The following NUDCD2 variants were observed in gnomAD, a reference collection of about 807,000 sequenced individuals.
The protein encoded by NUDCD2 is nudC domain-containing protein 2.
Under a neutral mutation model 20.8 loss-of-function variants are expected in NUDCD2, and 16 were observed. The ratio of observed to expected loss-of-function variants is 0.77; its 90% CI spans 0.52 to 1.17. NUDCD2 has a LOEUF of 1.17. NUDCD2 is among the 50% of genes most tolerant of loss of function. NUDCD2 has a pLI of 0.00. For synonymous variants in NUDCD2, 87 were observed against 72.8 expected (o/e 1.20, Z -1.00); for missense variants, 199 against 193.9 (o/e 1.03, Z -0.16).
In NUDCD2 at chr5:163,453,538, T is replaced by C. The variant is rs577943140; in HGVS notation, c.*429A>G. 1 of 152,916 alleles carries C rather than the reference T, an allele frequency of 6.5e-6. No individual in the cohort carries two copies. Among genetic ancestry groups the C allele is most frequent in the South Asian group, 2.1e-4 (1 of 4,834 alleles). 9.5% of individuals were successfully genotyped at this position (152,916 alleles called of 1,614,324 possible). A position where few individuals can be genotyped will look rare whatever the true frequency, so the allele number is the denominator to read the frequency against. ...TAAAATTGTTTTCAGCACTATAATT[T>C]TGTGTGAATTGTTATACTTAGACAA... On this transcript the variant is annotated 3_prime_UTR_variant, in exon 4 of 4. Coordinates refer to ENST00000302764, the MANE Select transcript of NUDCD2 (RefSeq NM_145266.6).
Position 163,456,922 on chromosome 5 carries a change from GACTT to G in NUDCD2, c.390+3_390+6del, listed in dbSNP as rs1345357859. 1 of 1,593,744 alleles carries G rather than the reference GACTT, an allele frequency of 6.3e-7. No individual in the cohort carries two copies. Among genetic ancestry groups the G allele is most frequent in the Non-Finnish European group, 8.6e-7 (1 of 1,169,556 alleles). ...TTACACATACTCATACACTTCATCT[GACTT>G]ACTTCTTTTTGGAATCTCTCTAATG... On this transcript the variant is annotated splice_donor_5th_base_variant and intron_variant, in intron 3 of 3. Coordinates refer to ENST00000302764, the MANE Select transcript of NUDCD2 (RefSeq NM_145266.6).
At position 163,459,978 on chromosome 5, in the gene NUDCD2, A is replaced by G. The variant is rs2113438671; in HGVS notation, c.73T>C (p.Leu25=). ...TGAACTTCAATGAACACCTCCTCCA[A>G]GGTCTGGTACCACTGGCCCCACGGG... ...GTPWGQWYQT[L]EEVFIEVQVP... The change falls in exon 1 of 4, where the codon TTG becomes CTG. Residue 25 remains leucine (L), a synonymous_variant. Transcript: ENST00000302764. The G allele has an allele frequency of 6.2e-7, 1 of 1,613,538 alleles. No individual in the cohort carries two copies. Among genetic ancestry groups the G allele is most frequent in the Non-Finnish European group, 8.5e-7 (1 of 1,179,818 alleles).
rs531678833 is a variant in NUDCD2 at position 163,460,076 on chromosome 5, G to C, written c.-26C>G. On this transcript the variant is annotated 5_prime_UTR_variant, in exon 1 of 4. Transcript: ENST00000302764. ...AATCCAGTCCCTCCCGGCCGCGGCCGCACCAGGCGGAGCCGAGCGCACGCG... is the reference window on the plus strand; with the variant it reads ...AATCCAGTCCCTCCCGGCCGCGGCCCCACCAGGCGGAGCCGAGCGCACGCG... 1.3e-6 allele frequency: 2 copies of C among 1,520,058 alleles called. No homozygotes were observed. Among genetic ancestry groups the C allele is most frequent in the South Asian group, 2.5e-5 (2 of 78,548 alleles). 94.2% of individuals were successfully genotyped at this position (1,520,058 alleles called of 1,614,324 possible). A position where few individuals can be genotyped will look rare whatever the true frequency, so the allele number is the denominator to read the frequency against.
intron 1 of NUDCD2, chr5:163,459,650 T>G (rs1758423424): frequency 2.4e-6 from 1 of 412,196 alleles, no homozygotes; most frequent in African/African-American, 2.1e-5. Flanking sequence ...GTTTGAAAAC[T>G]AAACACGAAA....
rs1214937951 is a variant in NUDCD2, at chr5:163,448,793, GA to G, written c.*5173del. 2 of 152,158 alleles carry G rather than the reference GA, an allele frequency of 1.3e-5. No homozygotes were observed. Among genetic ancestry groups the G allele is most frequent in the Non-Finnish European group, 2.9e-5 (2 of 68,022 alleles). 9.4% of individuals were successfully genotyped at this position (152,158 alleles called of 1,614,324 possible). A position where few individuals can be genotyped will look rare whatever the true frequency, so the allele number is the denominator to read the frequency against. Reference sequence around the variant, plus strand: ...CCATGACCAAGTTTGGGGTTGGGAGGAAATATAAGCTGTTTCAAAATTCTGG... The same window carrying G: ...CCATGACCAAGTTTGGGGTTGGGAGGAATATAAGCTGTTTCAAAATTCTGG... On this transcript the variant is annotated 3_prime_UTR_variant, in exon 4 of 4. Coordinates refer to ENST00000302764, the MANE Select transcript of NUDCD2 (RefSeq NM_145266.6).
At position 163,452,201 on chromosome 5, in the gene NUDCD2, G is replaced by A. The variant is rs972625326; in HGVS notation, c.*1766C>T. 1 of 152,166 alleles carries A rather than the reference G, an allele frequency of 6.6e-6. No individual in the cohort carries two copies. The highest frequency in any genetic ancestry group is 1.5e-5 in the Non-Finnish European group (1 of 68,038). The allele number at this position is 152,166 out of a possible 1,614,324, so 9.4% of individuals were successfully genotyped here. The stretch of plus-strand genomic sequence containing the variant: ...GAATTCATGGTTTTCAATATACATA[G>A]ATGCAGAAATATAGATGTAAAGACA... On this transcript the variant is annotated 3_prime_UTR_variant, in exon 4 of 4. Transcript: ENST00000302764.
chr5:163,454,633 G>A (rs1372611490), intron 3 of NUDCD2, among the ~76,000 whole-genome samples: 11 of 152,184 alleles, frequency 7.2e-5, no homozygotes, highest in Non-Finnish European at 1.5e-4. Flanking sequence ...GAGCCATGGC[G>A]CCCAGCCTAT....
In NUDCD2 at chr5:163,447,893, C is replaced by T. The variant is rs1453479087; in HGVS notation, c.*6074G>A. 1 of 152,208 alleles carries T rather than the reference C, an allele frequency of 6.6e-6. No homozygotes were observed. Among genetic ancestry groups the T allele is most frequent in the Non-Finnish European group, 1.5e-5 (1 of 68,008 alleles). The allele number at this position is 152,208 out of a possible 1,614,324, so 9.4% of individuals were successfully genotyped here. On this transcript the variant is annotated 3_prime_UTR_variant, in exon 4 of 4. Coordinates refer to ENST00000302764, the MANE Select transcript of NUDCD2 (RefSeq NM_145266.6). ...ATTTTAAAATAAATGAAAATATCAC[C>T]GTGCTTGGAATGCAGCCATGCTGGT...
In NUDCD2 at chr5:163,449,744, C is replaced by G. The variant is rs1444989849; in HGVS notation, c.*4223G>C. 1 of 152,046 alleles carries G rather than the reference C, an allele frequency of 6.6e-6. No individual in the cohort carries two copies. The highest frequency in any genetic ancestry group is 1.5e-5 in the Non-Finnish European group (1 of 68,012). 9.4% of individuals were successfully genotyped at this position (152,046 alleles called of 1,614,324 possible). ...AACACATAGATCGATGGAATAAAGT[C>G]CAAAACCAGACTCACATAAATAGCA... is the stretch of plus-strand genomic sequence containing the variant. On this transcript the variant is annotated 3_prime_UTR_variant, in exon 4 of 4. Coordinates refer to ENST00000302764, the MANE Select transcript of NUDCD2 (RefSeq NM_145266.6).
At chr5:163,455,182 T>C (rs1355731877) in intron 3 of NUDCD2, among the ~76,000 whole-genome samples, 1 of 151,666 alleles carries the variant, frequency 6.6e-6, no homozygotes. Flanking sequence ...AATAAAATTA[T>C]ATTTAAATGG....
chr5:163,457,883 C>T (rs558184249), intron 1 of NUDCD2, among the ~76,000 whole-genome samples: 1 of 151,704 alleles, frequency 6.6e-6, no homozygotes, highest in East Asian at 1.9e-4. Flanking sequence ...ATACTGACCA[C>T]TGGCCAAATG....
chr5:163,460,072 G>A lies in NUDCD2; in HGVS notation c.-22C>T, dbSNP rs1255737942. The A allele has an allele frequency of 1.3e-6, 2 of 1,523,984 alleles. No homozygotes were observed. 94.4% of individuals were successfully genotyped at this position (1,523,984 alleles called of 1,614,324 possible). A position where few individuals can be genotyped will look rare whatever the true frequency, so the allele number is the denominator to read the frequency against. ...ACATAATCCAGTCCCTCCCGGCCGC[G>A]GCCGCACCAGGCGGAGCCGAGCGCA... On this transcript the variant is annotated 5_prime_UTR_variant, in exon 1 of 4. Coordinates refer to ENST00000302764, the MANE Select transcript of NUDCD2 (RefSeq NM_145266.6).
In NUDCD2 at chr5:163,452,514, C is replaced by T. The variant is rs936805035; in HGVS notation, c.*1453G>A. The T allele has an allele frequency of 6.6e-6, 1 of 151,870 alleles. No individual in the cohort carries two copies. Among genetic ancestry groups the T allele is most frequent in the Non-Finnish European group, 1.5e-5 (1 of 67,952 alleles). 9.4% of individuals were successfully genotyped at this position (151,870 alleles called of 1,614,324 possible). Reference sequence around the variant, plus strand: ...TAATGATAATAGGTTTTTTAACCTGCTGAATAAAATAGAAAATAATGAGTT... The same window carrying T: ...TAATGATAATAGGTTTTTTAACCTGTTGAATAAAATAGAAAATAATGAGTT... On this transcript the variant is annotated 3_prime_UTR_variant, in exon 4 of 4. Transcript: ENST00000302764.
rs993668552 is a variant in NUDCD2, at chr5:163,453,021, A to G, written c.*946T>C. ...TAGAGGGTAGTAATGTGTCAACGTA[A>G]ATTTCCTGATTCTAATGGTTGCATT... On this transcript the variant is annotated 3_prime_UTR_variant, in exon 4 of 4. Coordinates refer to ENST00000302764, the MANE Select transcript of NUDCD2 (RefSeq NM_145266.6). 3 of 152,178 alleles carry G rather than the reference A, an allele frequency of 2.0e-5. No homozygotes were observed. Among genetic ancestry groups the G allele is most frequent in the Non-Finnish European group, 4.4e-5 (3 of 68,034 alleles). The allele number at this position is 152,178 out of a possible 1,614,324, so 9.4% of individuals were successfully genotyped here.
rs1758157690 is a variant in NUDCD2, at chr5:163,450,734, G to A, written c.*3233C>T. 1 of 152,184 alleles carries A rather than the reference G, an allele frequency of 6.6e-6. No homozygotes were observed. Among genetic ancestry groups the A allele is most frequent in the South Asian group, 2.1e-4 (1 of 4,834 alleles). The allele number at this position is 152,184 out of a possible 1,614,324, so 9.4% of individuals were successfully genotyped here. ...GCTGGTGGGAAAGTAAAAAGATGTA[G>A]CTGCTTTGGGAAACAATGACAGCTC... On this transcript the variant is annotated 3_prime_UTR_variant, in exon 4 of 4. Coordinates refer to ENST00000302764, the MANE Select transcript of NUDCD2 (RefSeq NM_145266.6).
At position 163,452,972 on chromosome 5, in the gene NUDCD2, T is replaced by G. The variant is rs1247486333; in HGVS notation, c.*995A>C. Reference sequence around the variant, plus strand: ...CATTATTGGGACAATCAGTTCAATGTGAATGAAGTGAAGATCTGAGGATTA... The same window carrying G: ...CATTATTGGGACAATCAGTTCAATGGGAATGAAGTGAAGATCTGAGGATTA... On this transcript the variant is annotated 3_prime_UTR_variant, in exon 4 of 4. Coordinates refer to ENST00000302764, the MANE Select transcript of NUDCD2 (RefSeq NM_145266.6). 6.6e-6 allele frequency: 1 copy of G among 152,206 alleles called. No individual in the cohort carries two copies. Among genetic ancestry groups the G allele is most frequent in the African/African-American group, 2.4e-5 (1 of 41,438 alleles). 9.4% of individuals were successfully genotyped at this position (152,206 alleles called of 1,614,324 possible).
rs185992700 is a variant in NUDCD2, at chr5:163,452,345, G to A, written c.*1622C>T. On this transcript the variant is annotated 3_prime_UTR_variant, in exon 4 of 4. Transcript: ENST00000302764. The stretch of plus-strand genomic sequence containing the variant: ...AAATGGCTGATTCTTGGGTTAGGTC[G>A]AGGACAGCATGAGAAGCCTGGTATA... The A allele has an allele frequency of 2.0e-5, 3 of 152,238 alleles. No homozygotes were observed. The highest frequency in any genetic ancestry group is 3.9e-4 in the East Asian group (2 of 5,182). 9.4% of individuals were successfully genotyped at this position (152,238 alleles called of 1,614,324 possible). A position where few individuals can be genotyped will look rare whatever the true frequency, so the allele number is the denominator to read the frequency against.
intron 3 of NUDCD2, among the ~76,000 whole-genome samples, chr5:163,456,092 GA>G (rs1224851683): frequency 1.3e-5 from 2 of 152,132 alleles, no homozygotes; most frequent in Non-Finnish European, 2.9e-5. Flanking sequence ...TGGACATGTT[GA>G]GCTTAATATA....
rs985062088 is a variant in NUDCD2 at position 163,452,659 on chromosome 5, T to C, written c.*1308A>G. 1 of 152,138 alleles carries C rather than the reference T, an allele frequency of 6.6e-6. No homozygotes were observed. The highest frequency in any genetic ancestry group is 2.4e-5 in the African/African-American group (1 of 41,434). 9.4% of individuals were successfully genotyped at this position (152,138 alleles called of 1,614,324 possible). On this transcript the variant is annotated 3_prime_UTR_variant, in exon 4 of 4. Transcript: ENST00000302764. The stretch of plus-strand genomic sequence containing the variant: ...AGAAGTCTGGCAGACACTACCTTAA[T>C]CAGTCATCTAAGAAACACCATCAGA...
Sources: allele counts gnomAD v4.1 joint callset (sites outside exome capture counted in the v4.1 genomes callset), GRCh38; gene constraint gnomAD v4.1.1; transcripts MANE v1.5; gene names NCBI Gene and HGNC (gene_info 2026-07-23, HGNC 2026-07-21).